The following CHLSN variants were observed in gnomAD, a reference collection of about 807,000 sequenced individuals.
CHLSN encodes the protein protein cholesin.
chr7:983,349 G>T, the CHLSN span: 1 of 1,537,600 alleles, frequency 6.5e-7, no homozygotes. Flanking sequence ...ACCTGCACTT[G>T]CTGCGTCTGT....
chr7:1,132,593 CT>C, the CHLSN span, among the ~76,000 whole-genome samples: 1 of 150,044 alleles, frequency 6.7e-6, no homozygotes, highest in East Asian at 2.0e-4. Flanking sequence ...ACTTGGGAGG[CT>C]GAAGTGGGAG....
At chr7:984,540 C>G in the CHLSN span, 1 of 1,557,740 alleles carries the variant, frequency 6.4e-7, no homozygotes, top group Non-Finnish European at 8.7e-7. Context: ...ACCGGCCTCC[C>G]ATCGCCATCT....
the CHLSN span, among the ~76,000 whole-genome samples, chr7:1,117,621 GGAT>G: frequency 6.7e-5 from 9 of 133,884 alleles, no homozygotes; most frequent in South Asian, 2.4e-4. Flanking sequence ...CGCTCACGCA[GGAT>G]GATGACATCA....
At chr7:1,132,353 G>A in the CHLSN span, among the ~76,000 whole-genome samples, 16 of 152,146 alleles carry the variant, frequency 1.1e-4, no homozygotes, top group Non-Finnish European at 2.1e-4. Context: ...TTCCAGACCA[G>A]TCCCGGCCAC....
the CHLSN span, among the ~76,000 whole-genome samples, chr7:1,046,565 G>A: frequency 6.6e-6 from 1 of 152,180 alleles, no homozygotes; most frequent in Non-Finnish European, 1.5e-5. Context: ...AACCCAGTCT[G>A]GAGAGTAGAA....
At chr7:1,081,615 C>T in the CHLSN span, among the ~76,000 whole-genome samples, 14 of 152,228 alleles carry the variant, frequency 9.2e-5, no homozygotes, top group African/African-American at 2.9e-4. Context: ...AGCCAGGTAC[C>T]AGGACCTCAT....
chr7:981,768 C>T, the CHLSN span, among the ~76,000 whole-genome samples: 1 of 152,086 alleles, frequency 6.6e-6, no homozygotes, highest in Non-Finnish European at 1.5e-5. Flanking sequence ...TGGCTTACAC[C>T]TGCAATCCCA....
At chr7:1,065,075 C>T in the CHLSN span, among the ~76,000 whole-genome samples, 47 of 152,256 alleles carry the variant, frequency 3.1e-4, 1 homozygote, top group South Asian at 8.9e-3. Context: ...GTCTGAGAAA[C>T]GATGAGGCCC....
the CHLSN span, among the ~76,000 whole-genome samples, chr7:1,101,772 C>T: frequency 6.6e-6 from 1 of 152,228 alleles, no homozygotes; most frequent in Non-Finnish European, 1.5e-5. Flanking sequence ...AATGAGGGGC[C>T]GGCCGCAGGC....
At chr7:1,081,501 G>A in the CHLSN span, among the ~76,000 whole-genome samples, 1 of 152,240 alleles carries the variant, frequency 6.6e-6, no homozygotes, top group Admixed American at 6.5e-5. Context: ...AGGGGTGGCG[G>A]CAAGGGGGCA....
the CHLSN span, among the ~76,000 whole-genome samples, chr7:996,219 A>G: frequency 0.022 from 3,326 of 152,230 alleles, 48 homozygotes; most frequent in Non-Finnish European, 0.03. Context: ...TCCCCACAAC[A>G]ACAGCCCGGA....
chr7:1,084,597 ACCGCT>A, the CHLSN span, among the ~76,000 whole-genome samples: 1 of 152,056 alleles, frequency 6.6e-6, no homozygotes, highest in Non-Finnish European at 1.5e-5. Context: ...CCCCTGGTGG[ACCGCT>A]CCCCTTGAAA....
At chr7:986,419 C>A in the CHLSN span, 10 of 616,054 alleles carry the variant, frequency 1.6e-5, no homozygotes, top group Admixed American at 3.1e-4. Context: ...GCCTGGCTGT[C>A]CCCTTCCGGG....
the CHLSN span, chr7:1,093,191 T>C: frequency 1.9e-6 from 1 of 522,216 alleles, no homozygotes; most frequent in South Asian, 1.5e-5. Context: ...GAAACATTTC[T>C]GACACCGTCG....
chr7:1,125,734 C>T, the CHLSN span, among the ~76,000 whole-genome samples: 9 of 152,246 alleles, frequency 5.9e-5, no homozygotes, highest in South Asian at 2.1e-4. Flanking sequence ...GCAATGACAG[C>T]GCGGATCCAC....
the CHLSN span, among the ~76,000 whole-genome samples, chr7:1,110,930 C>T: frequency 6.6e-6 from 1 of 152,068 alleles, no homozygotes; most frequent in Non-Finnish European, 1.5e-5. Context: ...AAAGCAATCA[C>T]GCCAGGTGTG....
the CHLSN span, among the ~76,000 whole-genome samples, chr7:1,096,375 C>T: frequency 1.3e-5 from 2 of 152,310 alleles, no homozygotes; most frequent in South Asian, 2.1e-4. The surrounding 1 kb of genome is among the most constrained non-coding windows in gnomAD (Gnocchi z 4.6). Context: ...AGGTGCAACA[C>T]TGAGGTCCCC....
the CHLSN span, among the ~76,000 whole-genome samples, chr7:985,735 C>T: frequency 1.3e-5 from 2 of 152,164 alleles, no homozygotes; most frequent in African/African-American, 4.8e-5. Flanking sequence ...GTTTGGAACT[C>T]GTGTATTTCA....
chr7:1,089,758 A>C, the CHLSN span, among the ~76,000 whole-genome samples: 2 of 149,260 alleles, frequency 1.3e-5, no homozygotes, highest in Non-Finnish European at 3.0e-5. Flanking sequence ...TAGGTCAACA[A>C]ATCTCTAGTC....
Sources: allele counts gnomAD v4.1 joint callset (sites outside exome capture counted in the v4.1 genomes callset), GRCh38; gene constraint gnomAD v4.1.1; non-coding constraint Gnocchi (gnomAD v3.1); transcripts MANE v1.5; gene names NCBI Gene and HGNC (gene_info 2026-07-23, HGNC 2026-07-21).